Variants in LYPLAL1 observed in about 807,000 individuals in gnomAD.
The protein encoded by LYPLAL1 is lysophospholipase like 1.
In LYPLAL1, 23 loss-of-function variants were observed where a neutral mutation model predicts 19.7. The observed-to-expected ratio is 1.17, with a 90% CI of 0.84 to 1.65. The LOEUF (loss-of-function observed/expected upper bound fraction) is 1.65, where lower values mean the gene tolerates loss of function less well. LYPLAL1 is among the 40% of genes most tolerant of loss of function. The pLI is 0.00. For missense variants in LYPLAL1, 355 were observed against 279.4 expected (o/e 1.27, Z -1.93); for synonymous variants, 119 against 96.3 (o/e 1.24, Z -1.38).
chr1:219,251,591 T>C, the LYPLAL1 span, among the ~76,000 whole-genome samples: 7 of 152,214 alleles, frequency 4.6e-5, no homozygotes, highest in Middle Eastern at 6.8e-3. Flanking sequence ...TGGTTGTAAA[T>C]GTGCAGCCTT....
the LYPLAL1 span, among the ~76,000 whole-genome samples, chr1:219,362,926 C>A: frequency 1.3e-5 from 2 of 150,956 alleles, no homozygotes; most frequent in Admixed American, 6.6e-5. Context: ...TGAGGTCAGG[C>A]AGGAAGGGGA....
the LYPLAL1 span, among the ~76,000 whole-genome samples, chr1:219,343,713 T>C: frequency 6.6e-6 from 1 of 152,320 alleles, no homozygotes; most frequent in South Asian, 2.1e-4. Flanking sequence ...GCTTATTTCA[T>C]TGTGCTTTAC....
rs529500535 is a variant in LYPLAL1, at chr1:219,177,589, C to T, written c.92-1558C>T. Among the ~76,000 whole-genome samples, 10 of 152,238 alleles carry T rather than the reference C, an allele frequency of 6.6e-5. No individual in the cohort carries two copies. The South Asian group carries it at 8.3e-4, about 13-fold the overall frequency. ...TCTAGTATTGTTCACCCAGTTACTCCGGCCAAAAGCCTGTTAGTCATCCAT... is the reference window on the plus strand; with the variant it reads ...TCTAGTATTGTTCACCCAGTTACTCTGGCCAAAAGCCTGTTAGTCATCCAT... On this transcript the variant is annotated intron_variant, in intron 1 of 4. Transcript: ENST00000366928.
the LYPLAL1 span, among the ~76,000 whole-genome samples, chr1:219,229,293 T>A: frequency 1.2e-5 from 1 of 84,074 alleles, no homozygotes; most frequent in African/African-American, 5.4e-5. Context: ...GACAAGCATT[T>A]TGAGAGAGAG....
At chr1:219,231,916 T>C in the LYPLAL1 span, among the ~76,000 whole-genome samples, 1 of 152,242 alleles carries the variant, frequency 6.6e-6, no homozygotes, top group Non-Finnish European at 1.5e-5. Context: ...TGTCATATTT[T>C]CACTTAATAA....
At chr1:219,364,593 A>G in the LYPLAL1 span, among the ~76,000 whole-genome samples, 1 of 152,130 alleles carries the variant, frequency 6.6e-6, no homozygotes, top group Non-Finnish European at 1.5e-5. Context: ...TTTGTTTTCC[A>G]TTAATAGAAT....
At chr1:219,357,200 T>G in the LYPLAL1 span, among the ~76,000 whole-genome samples, 2 of 152,236 alleles carry the variant, frequency 1.3e-5, no homozygotes, top group African/African-American at 4.8e-5. Context: ...ATCAGTGTAT[T>G]TTATTCCCAA....
chr1:219,441,576 G>T, the LYPLAL1 span, among the ~76,000 whole-genome samples: 1 of 152,176 alleles, frequency 6.6e-6, no homozygotes, highest in Non-Finnish European at 1.5e-5. Context: ...ATATTGAATA[G>T]CTAATAGAGT....
chr1:219,390,386 C>A, the LYPLAL1 span, among the ~76,000 whole-genome samples: 1 of 152,158 alleles, frequency 6.6e-6, no homozygotes, highest in South Asian at 2.1e-4. Context: ...CTAAAAATCT[C>A]ATTAAATAAC....
At chr1:219,445,423 G>A in the LYPLAL1 span, among the ~76,000 whole-genome samples, 1 of 108,966 alleles carries the variant, frequency 9.2e-6, no homozygotes, top group African/African-American at 3.5e-5. Flanking sequence ...GGGGGGCGGT[G>A]GGGGGAACAA....
At chr1:219,352,416 G>A in the LYPLAL1 span, among the ~76,000 whole-genome samples, 1 of 152,184 alleles carries the variant, frequency 6.6e-6, no homozygotes, top group Admixed American at 6.5e-5. Context: ...TACTGGGAAG[G>A]CTGAGGCAGG....
chr1:219,212,789 A>T lies in LYPLAL1; in HGVS notation c.*1061A>T, dbSNP rs949315250. ...TGTGGATGTATCACTATTTGTTTAC[A>T]CATTCACCACTGATATATAAGTTGC... On this transcript the variant is annotated 3_prime_UTR_variant, in exon 5 of 5. Coordinates refer to ENST00000366928, the MANE Select transcript of LYPLAL1 (RefSeq NM_138794.5). 1 of 152,068 alleles carries T rather than the reference A, an allele frequency of 6.6e-6. No homozygotes were observed. Among genetic ancestry groups the T allele is most frequent in the East Asian group, 1.9e-4 (1 of 5,192 alleles). 9.4% of individuals were successfully genotyped at this position (152,068 alleles called of 1,614,324 possible).
chr1:219,442,476 C>A, the LYPLAL1 span: 1 of 152,322 alleles, frequency 6.6e-6, no homozygotes, highest in Admixed American at 6.5e-5. Context: ...AATCCTCGAT[C>A]TTTGATCAGT....
chr1:219,325,512 A>G, the LYPLAL1 span, among the ~76,000 whole-genome samples: 1 of 152,240 alleles, frequency 6.6e-6, no homozygotes, highest in South Asian at 2.1e-4. Context: ...GCAATACTCT[A>G]TCATCATGGT....
chr1:219,196,752 A>G (rs1386417640), intron 3 of LYPLAL1, among the ~76,000 whole-genome samples: 1 of 152,192 alleles, frequency 6.6e-6, no homozygotes, highest in Non-Finnish European at 1.5e-5. Flanking sequence ...AGAAAACTCT[A>G]TCGTTTCAGC....
chr1:219,390,883 C>T, the LYPLAL1 span, among the ~76,000 whole-genome samples: 3 of 152,118 alleles, frequency 2.0e-5, no homozygotes, highest in Admixed American at 6.6e-5. Context: ...AAGACTTGCA[C>T]TTATATTAAC....
At chr1:219,395,152 G>T in the LYPLAL1 span, among the ~76,000 whole-genome samples, 2 of 152,308 alleles carry the variant, frequency 1.3e-5, no homozygotes, top group South Asian at 2.1e-4. Context: ...TAATGGGATT[G>T]CTGGGTCAAA....
the LYPLAL1 span, chr1:219,437,186 C>T: frequency 6.6e-6 from 1 of 152,150 alleles, no homozygotes; most frequent in Non-Finnish European, 1.5e-5. Flanking sequence ...GGGAGTGTGA[C>T]CCCACCAGTT....
the LYPLAL1 span, among the ~76,000 whole-genome samples, chr1:219,311,032 T>G: frequency 6.6e-6 from 1 of 152,232 alleles, no homozygotes; most frequent in Non-Finnish European, 1.5e-5. Context: ...GGCTTATCCA[T>G]TCTATCATTT....
Sources: allele counts gnomAD v4.1 joint callset (sites outside exome capture counted in the v4.1 genomes callset), GRCh38; gene constraint gnomAD v4.1.1; transcripts MANE v1.5; gene names NCBI Gene and HGNC (gene_info 2026-07-23, HGNC 2026-07-21).